The following NBEA variants were observed in gnomAD, a reference collection of about 807,000 sequenced individuals.
NBEA encodes lysosomal-trafficking regulator 2.
A neutral mutation model predicts 343.4 loss-of-function variants in NBEA; 44 were observed. The ratio of observed to expected loss-of-function variants is 0.13; its 90% confidence interval spans 0.10 to 0.16. The LOEUF is 0.16. NBEA is among the 10% of genes least tolerant of loss of function. The pLI is 1.00. For missense variants in NBEA, 2,555 were observed against 3,631.3 expected (o/e 0.70, Z 7.62); for synonymous variants, 1,175 against 1,238.7 (o/e 0.95, Z 1.08).
At chr13:35,438,409 C>A (rs2045554500) in intron 39 of NBEA, among the ~76,000 whole-genome samples, 1 of 152,176 alleles carries the variant, frequency 6.6e-6, no homozygotes, top group Non-Finnish European at 1.5e-5. Context: ...TAGAAAAATA[C>A]TAAGACAGCT....
intron 1 of NBEA, among the ~76,000 whole-genome samples, chr13:35,009,605 A>G (rs768198905): frequency 6.6e-6 from 1 of 152,288 alleles, no homozygotes; most frequent in East Asian, 1.9e-4. Context: ...AGAGTGCTGT[A>G]CAAGTTTGGA....
chr13:35,199,517 T>G (rs1188924717), intron 31 of NBEA, among the ~76,000 whole-genome samples: 1 of 152,166 alleles, frequency 6.6e-6, no homozygotes, highest in Non-Finnish European at 1.5e-5. Context: ...TATTGTACAG[T>G]CTCAATAGAA....
chr13:34,942,917 G>C lies in NBEA; in HGVS notation c.97G>C (p.Gly33Arg), dbSNP rs768442045. 1 of 1,516,478 alleles carries C rather than the reference G, an allele frequency of 6.6e-7. No homozygotes were observed. Among genetic ancestry groups the C allele is most frequent in the Non-Finnish European group, 8.8e-7 (1 of 1,130,270 alleles). 93.9% of individuals were successfully genotyped at this position (1,516,478 alleles called of 1,614,324 possible). ...CGCTGGCGGAGGCGGCGGGGGCAGCGGTGGTGGCGGCACCGGGGGCAGCGG... is the reference window on the plus strand; with the variant it reads ...CGCTGGCGGAGGCGGCGGGGGCAGCCGTGGTGGCGGCACCGGGGGCAGCGG... ...GAAGGGGGGS[G>R]GGGTGGSGMG... The change falls in exon 1 of 59, where the codon GGT becomes CGT. Residue 33 changes from glycine to arginine, a missense_variant. Gly to Arg is a moderately radical substitution (Grantham distance 125). Around this residue, in one of 21 missense-constraint regions of NBEA, gnomAD observed 122 missense variants for 91.0 expected, o/e 1.34. Coordinates refer to ENST00000379939, the MANE Select transcript of NBEA (RefSeq NM_001385012.1).
intron 1 of NBEA, among the ~76,000 whole-genome samples, chr13:34,952,641 C>A (rs1173854028): frequency 1.3e-5 from 2 of 151,990 alleles, no homozygotes; most frequent in African/African-American, 4.8e-5. Context: ...ATACTAGCAT[C>A]TGGGTAATAT....
chr13:35,414,215 T>C (rs929212795), intron 38 of NBEA, among the ~76,000 whole-genome samples: 3 of 148,756 alleles, frequency 2.0e-5, no homozygotes, highest in African/African-American at 5.0e-5. Context: ...TTATTAATAA[T>C]AGTCACATCT....
chr13:35,247,508 A>C (rs1566514893), intron 34 of NBEA, among the ~76,000 whole-genome samples: 1 of 151,948 alleles, frequency 6.6e-6, no homozygotes. Flanking sequence ...AAATTGTCTC[A>C]GTTTCAGGTA....
intron 31 of NBEA, among the ~76,000 whole-genome samples, chr13:35,200,872 G>T (rs1401389558): frequency 1.3e-5 from 2 of 151,838 alleles, no homozygotes; most frequent in African/African-American, 4.8e-5. Context: ...TAGTGGTAAG[G>T]ATGAAATTTC....
At chr13:35,619,023 G>A (rs17052532) in intron 48 of NBEA, among the ~76,000 whole-genome samples, 1,757 of 151,362 alleles carry the variant, frequency 0.012, 28 homozygotes, top group African/African-American at 0.039. Context: ...CAGAATGTCC[G>A]TATTTCAAAG....
intron 1 of NBEA, among the ~76,000 whole-genome samples, chr13:35,011,044 G>A (rs1441412657): frequency 1.3e-5 from 2 of 151,820 alleles, no homozygotes; most frequent in East Asian, 1.9e-4. Context: ...AACGAGTCTT[G>A]TAGCAGTTTT....
chr13:35,393,007 C>A (rs2042578747), intron 38 of NBEA, among the ~76,000 whole-genome samples: 1 of 152,150 alleles, frequency 6.6e-6, no homozygotes, highest in Non-Finnish European at 1.5e-5. Flanking sequence ...AGAGCTAGCA[C>A]TTTCGGAGTC....
At chr13:35,324,272 C>T (rs2038386294) in intron 36 of NBEA, among the ~76,000 whole-genome samples, 1 of 152,172 alleles carries the variant, frequency 6.6e-6, no homozygotes, top group Admixed American at 6.5e-5. Flanking sequence ...TTAGCCTATG[C>T]AAGAGTCCCA....
chr13:35,207,471 A>C (rs1181853766), intron 31 of NBEA, among the ~76,000 whole-genome samples: 2 of 152,142 alleles, frequency 1.3e-5, no homozygotes. Flanking sequence ...TGGTTGAGTA[A>C]GGTTTGGAAG....
In NBEA at chr13:34,942,542, G is replaced by GC. The variant is rs1215462659; in HGVS notation, c.-278dup. ...GGCAGCGGCGGCGGCAGCGGCAGCGGCAGCGGCACACCTGCTGGGCGGGCA... is the reference window on the plus strand; with the variant it reads ...GGCAGCGGCGGCGGCAGCGGCAGCGGCCAGCGGCACACCTGCTGGGCGGGCA... On this transcript the variant is annotated 5_prime_UTR_variant, in exon 1 of 59. Transcript: ENST00000379939. The GC allele has an allele frequency of 9.3e-6, 2 of 215,092 alleles. No homozygotes were observed. The highest frequency in any genetic ancestry group is 2.6e-5 in the African/African-American group (1 of 38,674). The allele number at this position is 215,092 out of a possible 1,614,324, so 13.3% of individuals were successfully genotyped here.
At chr13:34,992,505 A>T (rs1231619602) in intron 1 of NBEA, among the ~76,000 whole-genome samples, 1 of 149,084 alleles carries the variant, frequency 6.7e-6, no homozygotes, top group Non-Finnish European at 1.5e-5. Flanking sequence ...CCGGCCAAGA[A>T]GCAAATAATT....
intron 36 of NBEA, among the ~76,000 whole-genome samples, chr13:35,314,095 T>C (rs2037552431): frequency 6.6e-6 from 1 of 151,950 alleles, no homozygotes; most frequent in African/African-American, 2.4e-5. Context: ...TGAGAAAGGG[T>C]GAAGACAATT....
At chr13:35,382,654 T>A (rs183864628) in intron 38 of NBEA, among the ~76,000 whole-genome samples, 2 of 152,324 alleles carry the variant, frequency 1.3e-5, no homozygotes, top group East Asian at 1.9e-4. Context: ...AGTGTTAATC[T>A]CTTCTCATTC....
chr13:35,628,493 T>C (rs901925111), intron 49 of NBEA, among the ~76,000 whole-genome samples: 1 of 152,244 alleles, frequency 6.6e-6, no homozygotes, highest in Non-Finnish European at 1.5e-5. Flanking sequence ...TTTTTCTTAC[T>C]TCAAAATTTA....
chr13:35,508,894 G>A (rs568846368), intron 41 of NBEA, among the ~76,000 whole-genome samples: 1 of 152,274 alleles, frequency 6.6e-6, no homozygotes, highest in South Asian at 2.1e-4. Context: ...ATTGTTTGGA[G>A]ATTCCATGGC....
intron 8 of NBEA, among the ~76,000 whole-genome samples, 189 bp from the exon 9 acceptor site, chr13:35,069,719 T>A (rs1255553956): frequency 6.6e-6 from 1 of 152,178 alleles, no homozygotes; most frequent in Non-Finnish European, 1.5e-5. Context: ...AGCATTTTTA[T>A]TGGCATAATA....
Sources: gnomAD v4.1 joint callset for allele counts (sites outside exome capture counted in the v4.1 genomes callset) on GRCh38, gnomAD v4.1.1 for gene constraint, gnomAD v4.1.1 regional missense constraint, MANE v1.5 for transcripts, NCBI Gene and HGNC (gene_info 2026-07-23, HGNC 2026-07-21) for gene names.